The following GEMIN5 variants were observed in gnomAD, a reference collection of about 807,000 sequenced individuals.
GEMIN5 encodes the protein gem-associated protein 5.
GEMIN5 carries 124 observed loss-of-function variants against 176.9 expected under a neutral mutation model. That is an observed-to-expected ratio of 0.70 (90% CI 0.61 to 0.81). GEMIN5 has a LOEUF of 0.81. Among genes scored for constraint, GEMIN5 ranks in the 40% least tolerant of loss-of-function variants. The pLI, the probability that GEMIN5 is intolerant of heterozygous loss-of-function variation, is 0.00. For missense variants in GEMIN5, 1,843 were observed against 1,814.6 expected, an observed-to-expected ratio of 1.02 and a Z score of -0.28; for synonymous variants, 673 against 665.2, an observed-to-expected ratio of 1.01 and a Z score of -0.18.
intron 24 of GEMIN5, among the ~76,000 whole-genome samples, chr5:154,894,965 G>T (rs2113457294): frequency 6.6e-6 from 1 of 151,788 alleles, no homozygotes; most frequent in South Asian, 2.1e-4. Context: ...TGTAATCCCA[G>T]CTACTTGGAA....
chr5:154,930,780 T>C (rs1409635715), intron 5 of GEMIN5, among the ~76,000 whole-genome samples: 6 of 152,008 alleles, frequency 3.9e-5, no homozygotes, highest in Non-Finnish European at 1.5e-5. Context: ...AAATGTACAC[T>C]TAAAAGTGAT....
At chr5:154,913,649 T>TA (rs1007977244) in intron 13 of GEMIN5, among the ~76,000 whole-genome samples, 64 of 148,244 alleles carry the variant, frequency 4.3e-4, no homozygotes, top group Admixed American at 3.4e-4. Flanking sequence ...ACCCTGACTC[T>TA]AAAAAAAAAA....
At chr5:154,888,676 A>G (rs1474608682) in intron 27 of GEMIN5, among the ~76,000 whole-genome samples, 1 of 152,182 alleles carries the variant, frequency 6.6e-6, no homozygotes, top group Admixed American at 6.5e-5. Context: ...CCCACAGCCA[A>G]AAAGACCTGT....
Position 154,891,706 on chromosome 5 carries a change from T to C in GEMIN5, c.3797A>G (p.Gln1266Arg), listed in dbSNP as rs1342673993. 2 of 1,608,080 alleles carry C rather than the reference T, an allele frequency of 1.2e-6. No individual in the cohort carries two copies. Among genetic ancestry groups the C allele is most frequent in the South Asian group, 2.2e-5 (2 of 90,046 alleles). The change falls in exon 26 of 28, where the codon CAA becomes CGA. Residue 1266 changes from glutamine (Q) to arginine (R), a missense_variant. Transcript: ENST00000285873. Reference sequence around the variant, plus strand: ...TTTGAAAGCTGGTGTGGCAGGGGATTGATGGTCCCCCAACTTGTCTCTTAG... The same window carrying C: ...TTTGAAAGCTGGTGTGGCAGGGGATCGATGGTCCCCCAACTTGTCTCTTAG... The part of the protein sequence containing the change: ...DHLRDKLGDH[Q>R]SPATPAFKSL...
chr5:154,907,896 C>G (rs1763605182), intron 15 of GEMIN5, 78 bp from the exon 16 acceptor site: 1 of 915,056 alleles, frequency 1.1e-6, no homozygotes, highest in Non-Finnish European at 1.8e-6. Flanking sequence ...ACTCCAATAT[C>G]TCATTCCTCT....
Position 154,891,317 on chromosome 5 carries a change from A to G in GEMIN5, c.4186T>C (p.Ser1396Pro), listed in dbSNP as rs780772978. The G allele has an allele frequency of 1.2e-6, 2 of 1,613,826 alleles. No homozygotes were observed. The highest frequency in any genetic ancestry group is 2.2e-5 in the South Asian group (2 of 91,058). The change falls in exon 26 of 28, where the codon TCC becomes CCC. Residue 1396 changes from serine (S) to proline (P), a missense_variant. Ser to Pro is a moderately conservative substitution (Grantham distance 74, BLOSUM62 -1). Coordinates refer to ENST00000285873, the MANE Select transcript of GEMIN5 (RefSeq NM_015465.5). ...TTCTTATCAGGACCATTTGCTGTGGATTTACAGAGTTGACTCTTTTGGTGT... is the reference window on the plus strand; with the variant it reads ...TTCTTATCAGGACCATTTGCTGTGGGTTTACAGAGTTGACTCTTTTGGTGT... ...RQHQKSQLCK[S>P]TANGPDKNEP...
intron 25 of GEMIN5, 46 bp downstream of exon 25, chr5:154,892,341 T>A (rs760454932): frequency 1.1e-5 from 16 of 1,471,586 alleles, no homozygotes; most frequent in Non-Finnish European, 1.5e-5. Context: ...ATGGTGGTGA[T>A]GTTGTCCATT....
chr5:154,931,140 C>T (rs2113511857), intron 5 of GEMIN5, among the ~76,000 whole-genome samples: 1 of 152,352 alleles, frequency 6.6e-6, no homozygotes, highest in Admixed American at 6.5e-5. Context: ...TTCCATTCTC[C>T]TGGCTTAGGC....
At chr5:154,918,487 C>T (rs1763857364) in intron 11 of GEMIN5, among the ~76,000 whole-genome samples, 2 of 152,156 alleles carry the variant, frequency 1.3e-5, no homozygotes, top group Admixed American at 1.3e-4. Context: ...ATGTCCACAG[C>T]TTCTTCAACT....
rs546371132 is a variant in GEMIN5 at position 154,888,630 on chromosome 5, C to T, written c.4360-253G>A. 1.9e-4 allele frequency among the ~76,000 whole-genome samples: 29 copies of T among 152,270 alleles called. No individual in the cohort carries two copies. The Middle Eastern group carries it at 0.01, about 54-fold the overall frequency. On this transcript the variant is annotated intron_variant, in intron 27 of 27. Transcript: ENST00000285873. ...TCTCTTTCTACAGCCCTATGCAAAT[C>T]CACCCTTAAAAATGGTGCTTCTATT...
intron 23 of GEMIN5, among the ~76,000 whole-genome samples, chr5:154,896,954 A>G (rs1270431759): frequency 1.3e-5 from 2 of 152,224 alleles, no homozygotes; most frequent in African/African-American, 2.4e-5. Flanking sequence ...TTAAGCTTGC[A>G]AGAGTCTCTG....
chr5:154,924,741 G>A (rs1763992842), intron 8 of GEMIN5, among the ~76,000 whole-genome samples, 187 bp from the exon 9 acceptor site: 1 of 152,186 alleles, frequency 6.6e-6, no homozygotes, highest in Non-Finnish European at 1.5e-5. Flanking sequence ...TGTAATCCCA[G>A]CACTTTGGGA....
In GEMIN5 at chr5:154,891,266, G is replaced by A. The variant is rs1318394233; in HGVS notation, c.4237C>T (p.Pro1413Ser). ...KNEPEVEAEQ[P>S]LCSSQSQCKE... ...CACTGGCTCTGAGAACTGCAGAGGG[G>A]CTGCTCTGCTTCTACTTCCGGTTCA... The change falls in exon 26 of 28, where the codon CCC (proline) becomes TCC (serine). Residue 1413 changes from proline (P) to serine (S), a missense_variant. By Grantham distance (74) the Pro-to-Ser change is moderately conservative. Transcript: ENST00000285873. 6.2e-7 allele frequency: 1 copy of A among 1,613,652 alleles called. No homozygotes were observed. Among genetic ancestry groups the A allele is most frequent in the Non-Finnish European group, 8.5e-7 (1 of 1,179,816 alleles).
intron 15 of GEMIN5, among the ~76,000 whole-genome samples, chr5:154,910,857 C>T (rs976969918): frequency 6.6e-6 from 1 of 152,144 alleles, no homozygotes; most frequent in African/African-American, 2.4e-5. Flanking sequence ...CGCCAACACG[C>T]CCGGGTAATT....
intron 15 of GEMIN5, among the ~76,000 whole-genome samples, chr5:154,909,267 C>T (rs2113479119): frequency 1.3e-5 from 2 of 150,798 alleles, no homozygotes; most frequent in South Asian, 4.2e-4. Flanking sequence ...TGTGCCTGGC[C>T]CACAAGGTGA....
chr5:154,901,811 G>GT (rs1433385073), intron 20 of GEMIN5, among the ~76,000 whole-genome samples: 1 of 145,704 alleles, frequency 6.9e-6, no homozygotes, highest in Non-Finnish European at 1.5e-5. Flanking sequence ...TCCTTTTATT[G>GT]TTTTTTGAGA....
Position 154,911,481 on chromosome 5 carries a change from C to T in GEMIN5, c.2167+246G>A, listed in dbSNP as rs112880270. On this transcript the variant is annotated intron_variant, in intron 15 of 27. Coordinates refer to ENST00000285873, the MANE Select transcript of GEMIN5 (RefSeq NM_015465.5). ...CGAGCCAAGATCACGCCACTACATT[C>T]CAGTCTGGGCAACAGAGCGAGACTC... Among the ~76,000 whole-genome samples the T allele has an allele frequency of 8.7e-4, 132 of 152,290 alleles. 2 individuals carry two copies. Among genetic ancestry groups the T allele is most frequent in the African/African-American group, 3.1e-3 (128 of 41,558 alleles).
intron 9 of GEMIN5, among the ~76,000 whole-genome samples, chr5:154,923,596 TAC>T (rs1414546684): frequency 1.3e-5 from 2 of 152,228 alleles, no homozygotes; most frequent in Admixed American, 6.5e-5. Flanking sequence ...AAATTTCACT[TAC>T]AGACACTGAA....
chr5:154,891,336 T>G lies in GEMIN5; in HGVS notation c.4167A>C (p.Gln1389His), dbSNP rs773582487. The G allele has an allele frequency of 6.2e-7, 1 of 1,614,048 alleles. No homozygotes were observed. Among genetic ancestry groups the G allele is most frequent in the Non-Finnish European group, 8.5e-7 (1 of 1,179,940 alleles). The change falls in exon 26 of 28, where the codon CAA becomes CAC. Residue 1389 changes from glutamine to histidine, a missense_variant. Physicochemically the swap from Gln to His is conservative, Grantham distance 24 (BLOSUM62 0). Transcript: ENST00000285873. The stretch of plus-strand genomic sequence containing the variant: ...CTGTGGATTTACAGAGTTGACTCTT[T>G]TGGTGTTGTCGGATCATTTCTGCCA... The part of the protein sequence containing the change: ...ETLAEMIRQH[Q>H]KSQLCKSTAN...
Sources: allele counts gnomAD v4.1 joint callset (sites outside exome capture counted in the v4.1 genomes callset), GRCh38; gene constraint gnomAD v4.1.1; transcripts MANE v1.5; gene names NCBI Gene and HGNC (gene_info 2026-07-23, HGNC 2026-07-21).